Variants in DCAF5 observed in about 807,000 individuals in gnomAD.
DCAF5 encodes DDB1 and CUL4 associated factor 5, also known as DDB1- and CUL4-associated factor 5.
DCAF5 carries 9 observed loss-of-function variants against 80.7 expected under a neutral mutation model. The ratio of observed to expected loss-of-function variants is 0.11; its 90% confidence interval spans 0.07 to 0.19. The LOEUF is 0.19. Ranked by LOEUF, DCAF5 falls within the 10% of genes least tolerant of loss-of-function variation. The pLI is 1.00. For synonymous variants in DCAF5, 433 were observed against 461.9 expected (o/e 0.94, Z 0.80); for missense variants, 842 against 1,205.7 (o/e 0.70, Z 4.47).
At chr14:69,123,918 T>C (rs533889605) in intron 1 of DCAF5, among the ~76,000 whole-genome samples, 4 of 152,278 alleles carry the variant, frequency 2.6e-5, no homozygotes, top group African/African-American at 9.6e-5. Context: ...CAGGCTGGTC[T>C]CAAACTCCTG....
intron 6 of DCAF5, among the ~76,000 whole-genome samples, chr14:69,078,412 A>G (rs1002405565): frequency 2.6e-5 from 4 of 152,238 alleles, no homozygotes; most frequent in Non-Finnish European, 5.9e-5. Flanking sequence ...CAAAAATTAA[A>G]GATAGAATTA....
chr14:69,128,193 CT>C (rs554746869), intron 1 of DCAF5, among the ~76,000 whole-genome samples: 244 of 141,892 alleles, frequency 1.7e-3, no homozygotes, highest in South Asian at 1.6e-3. Context: ...TTTTCTTCTT[CT>C]TTTTTTTTTT....
At chr14:69,067,615 G>A (rs1004225859) in intron 7 of DCAF5, among the ~76,000 whole-genome samples, 2 of 151,710 alleles carry the variant, frequency 1.3e-5, no homozygotes, top group Non-Finnish European at 2.9e-5. Context: ...GAAGTGCTGG[G>A]ATTACAGGTG....
intron 6 of DCAF5, chr14:69,083,928 A>T: frequency 1.3e-6 from 1 of 780,104 alleles, no homozygotes; most frequent in Non-Finnish European, 2.4e-6. Context: ...CTTCTTATGT[A>T]ATCTTGTCAA....
At chr14:69,125,273 T>C (rs1444126515) in intron 1 of DCAF5, among the ~76,000 whole-genome samples, 1 of 152,124 alleles carries the variant, frequency 6.6e-6, no homozygotes, top group African/African-American at 2.4e-5. Flanking sequence ...TAAGTAAGAA[T>C]AAAGGGAGCC....
intron 6 of DCAF5, among the ~76,000 whole-genome samples, chr14:69,083,028 T>C (rs1295760158): frequency 6.6e-6 from 1 of 152,166 alleles, no homozygotes; most frequent in Non-Finnish European, 1.5e-5. Context: ...TTGTGTTCCT[T>C]TACAACTGAA....
At chr14:69,120,708 G>A (rs530603961) in intron 2 of DCAF5, among the ~76,000 whole-genome samples, 6 of 152,250 alleles carry the variant, frequency 3.9e-5, no homozygotes, top group Non-Finnish European at 7.4e-5. Context: ...TTCTACTGTA[G>A]GTACAAACCA....
chr14:69,062,263 T>C, intron 8 of DCAF5, 121 bp downstream of exon 8: 4 of 1,092,954 alleles, frequency 3.7e-6, no homozygotes, highest in Non-Finnish European at 3.9e-6. Flanking sequence ...TGTTAAAATC[T>C]GAGAATTCTG....
chr14:69,132,145 T>C, intron 1 of DCAF5, among the ~76,000 whole-genome samples: 1 of 152,238 alleles, frequency 6.6e-6, no homozygotes, highest in Non-Finnish European at 1.5e-5. Flanking sequence ...TCAATTCTTT[T>C]GGGTATATAA....
chr14:69,112,201 A>G (rs1292270897), intron 5 of DCAF5, among the ~76,000 whole-genome samples: 4 of 152,222 alleles, frequency 2.6e-5, no homozygotes, highest in African/African-American at 7.2e-5. Flanking sequence ...AAAGTGTTGC[A>G]GCAAAATAAA....
intron 1 of DCAF5, among the ~76,000 whole-genome samples, chr14:69,141,943 C>T (rs150674764): frequency 1.3e-5 from 2 of 152,180 alleles, no homozygotes; most frequent in East Asian, 3.9e-4. Flanking sequence ...AGTACTAGAG[C>T]ACATGGACTT....
At chr14:69,056,740 A>G (rs1239645997) in intron 8 of DCAF5, among the ~76,000 whole-genome samples, 2 of 151,762 alleles carry the variant, frequency 1.3e-5, no homozygotes, top group Non-Finnish European at 2.9e-5. Context: ...GGACAAATGC[A>G]CCTCCCTGTG....
At chr14:69,069,418 C>T (rs2038596625) in intron 7 of DCAF5, among the ~76,000 whole-genome samples, 1 of 152,194 alleles carries the variant, frequency 6.6e-6, no homozygotes, top group African/African-American at 2.4e-5. Flanking sequence ...ATGTCTTGAT[C>T]TCTAAGGAGT....
intron 6 of DCAF5, chr14:69,090,996 C>A (rs939542825): frequency 4.3e-6 from 3 of 697,016 alleles, no homozygotes; most frequent in African/African-American, 1.7e-5. Flanking sequence ...CAACTGGTCA[C>A]TGACACTTCA....
intron 7 of DCAF5, among the ~76,000 whole-genome samples, chr14:69,073,783 T>A (rs1329735170): frequency 6.6e-6 from 1 of 152,222 alleles, no homozygotes; most frequent in Non-Finnish European, 1.5e-5. Context: ...AGAAGGATTA[T>A]CCACATTCTA....
intron 1 of DCAF5, among the ~76,000 whole-genome samples, chr14:69,132,889 CTA>C (rs2140096308): frequency 6.6e-6 from 1 of 152,310 alleles, no homozygotes; most frequent in East Asian, 1.9e-4. Flanking sequence ...CTTAACTTCT[CTA>C]AATTATAGTC....
At position 69,152,969 on chromosome 14, in the gene DCAF5, T is replaced by C. The variant is rs534434650; in HGVS notation, c.10A>G (p.Arg4Gly). The C allele has an allele frequency of 5.0e-6, 8 of 1,596,500 alleles. No homozygotes were observed. The highest frequency in any genetic ancestry group is 1.7e-5 in the Admixed American group (1 of 58,090). Residue 4 changes from arginine to glycine, a missense_variant, in exon 1 of 9, where the codon AGA (arginine) becomes GGA (glycine). Coordinates refer to ENST00000341516, the MANE Select transcript of DCAF5 (RefSeq NM_003861.3). This position sits in a 1 kb window ranked among gnomAD's most constrained non-coding sequence, Gnocchi z 4.1. MKR[R>G]AGLGGSMRSV... The stretch of plus-strand genomic sequence containing the variant: ...CTCATGCTGCCCCCCAGGCCAGCTC[T>C]CCTCTTCATGCTGGAACCGCCGCCG...
intron 5 of DCAF5, among the ~76,000 whole-genome samples, chr14:69,106,338 G>A (rs183932284): frequency 1.3e-3 from 195 of 152,124 alleles, no homozygotes; most frequent in African/African-American, 4.3e-3. Context: ...TTACAGGCAT[G>A]AGCCACCGTG....
In DCAF5 at chr14:69,050,892, G is replaced by A. The variant is rs1446178289; in HGVS notation, c.*2965C>T. On this transcript the variant is annotated 3_prime_UTR_variant, in exon 9 of 9. Transcript: ENST00000341516. ...AAAGGAGAGGTGTCTAAGCAACCAA[G>A]TCTTCCCTGGAAGAGAAGAGGAAGA... is the stretch of plus-strand genomic sequence containing the variant. 1.3e-5 allele frequency: 2 copies of A among 152,656 alleles called. No individual in the cohort carries two copies. The highest frequency in any genetic ancestry group is 2.9e-5 in the Non-Finnish European group (2 of 68,044). The allele number at this position is 152,656 out of a possible 1,614,324, so 9.5% of individuals were successfully genotyped here. A position where few individuals can be genotyped will look rare whatever the true frequency, so the allele number is the denominator to read the frequency against.
Sources: allele counts gnomAD v4.1 joint callset (sites outside exome capture counted in the v4.1 genomes callset), GRCh38; gene constraint gnomAD v4.1.1; non-coding constraint Gnocchi (gnomAD v3.1); transcripts MANE v1.5; gene names NCBI Gene and HGNC (gene_info 2026-07-23, HGNC 2026-07-21).